The following RBFOX1 variants were observed in gnomAD, a reference collection of about 807,000 sequenced individuals.
RBFOX1 encodes RNA binding protein fox-1 homolog 1.
In RBFOX1, 8 loss-of-function variants were observed where a neutral mutation model predicts 57.7. The ratio of observed to expected loss-of-function variants is 0.14; its 90% CI spans 0.08 to 0.25. The LOEUF is 0.25. Ranked by LOEUF, RBFOX1 falls within the 10% of genes least tolerant of loss-of-function variation. RBFOX1 has a pLI of 1.00. For missense variants in RBFOX1, 611 were observed against 548.5 expected, an observed-to-expected ratio of 1.11 and a Z score of -1.14; for synonymous variants, 326 against 222.4, an observed-to-expected ratio of 1.47 and a Z score of -4.15.
chr16:7,593,436 A>G (rs747949913), intron 7 of RBFOX1, among the ~76,000 whole-genome samples: 6 of 152,156 alleles, frequency 3.9e-5, no homozygotes, highest in African/African-American at 9.7e-5. Flanking sequence ...TGCATACCCA[A>G]TATGGGCATA....
intron 1 of RBFOX1, among the ~76,000 whole-genome samples, chr16:5,432,875 T>G (rs1050624432): frequency 6.6e-6 from 1 of 152,136 alleles, no homozygotes; most frequent in African/African-American, 2.4e-5. Flanking sequence ...AAATTCCATC[T>G]CCCAGGTTCA....
At chr16:6,269,200 C>A (rs976847892) in intron 1 of RBFOX1, among the ~76,000 whole-genome samples, 2 of 152,170 alleles carry the variant, frequency 1.3e-5, no homozygotes, top group African/African-American at 4.8e-5. Context: ...AAAAATTATA[C>A]TGTCTGATGT....
At chr16:6,328,398 A>C (rs78281701) in intron 2 of RBFOX1, among the ~76,000 whole-genome samples, 13,282 of 152,182 alleles carry the variant, frequency 0.087, 731 homozygotes, top group Middle Eastern at 0.15. Context: ...TCATATAACA[A>C]AATGCCACCT....
At chr16:5,449,378 T>A (rs1159902219) in intron 1 of RBFOX1, among the ~76,000 whole-genome samples, 2 of 152,234 alleles carry the variant, frequency 1.3e-5, no homozygotes, top group African/African-American at 4.8e-5. Flanking sequence ...CTCAGAATTG[T>A]GCTTCTTTCC....
intron 1 of RBFOX1, among the ~76,000 whole-genome samples, chr16:5,425,021 A>T (rs1476966597): frequency 4.8e-4 from 35 of 72,798 alleles, no homozygotes; most frequent in African/African-American, 5.6e-4. Flanking sequence ...TTCTTTCTTG[A>T]TTCCTCCCTC....
chr16:5,454,988 T>TTTG (rs2068579870), intron 1 of RBFOX1, among the ~76,000 whole-genome samples: 1 of 103,672 alleles, frequency 9.6e-6, no homozygotes, highest in South Asian at 3.2e-4. Context: ...TCTTTCTTTC[T>TTTG]TTCTTTCTTT....
intron 4 of RBFOX1, among the ~76,000 whole-genome samples, chr16:7,111,726 T>G (rs1407596464): frequency 6.6e-6 from 1 of 151,598 alleles, no homozygotes; most frequent in South Asian, 2.1e-4. Context: ...GACCTGGTCT[T>G]TATAAAATTA....
At chr16:5,917,764 G>A in intron 4 of RBFOX1, among the ~76,000 whole-genome samples, 1 of 152,142 alleles carries the variant, frequency 6.6e-6, no homozygotes, top group South Asian at 2.1e-4. Context: ...ATTTTTTAAT[G>A]TAGTCTCAAA....
rs2096912200 is a variant in RBFOX1, at chr16:6,165,718, T to A, written c.-127+145726T>A. Among the ~76,000 whole-genome samples, 3 of 152,230 alleles carry A rather than the reference T, an allele frequency of 2.0e-5. No individual in the cohort carries two copies. In the South Asian group the frequency reaches 6.2e-4, roughly 32 times the overall value. On this transcript the variant is annotated intron_variant, in intron 1 of 15. Transcript: ENST00000550418. Reference sequence around the variant, plus strand: ...ACATGCATGGGCAAATGAAATGTTTTATGGCTACAGCGTAATGCTCTCCTC... The same window carrying A: ...ACATGCATGGGCAAATGAAATGTTTAATGGCTACAGCGTAATGCTCTCCTC...
chr16:7,637,661 T>A (rs933180623), intron 11 of RBFOX1, among the ~76,000 whole-genome samples: 3 of 152,204 alleles, frequency 2.0e-5, no homozygotes, highest in African/African-American at 7.2e-5. Flanking sequence ...GTCATTTTGT[T>A]ACTGACACAT....
At chr16:5,843,725 A>T (rs2151851436) in intron 3 of RBFOX1, among the ~76,000 whole-genome samples, 1 of 152,348 alleles carries the variant, frequency 6.6e-6, no homozygotes, top group African/African-American at 2.4e-5. Flanking sequence ...AGGTAAAATA[A>T]CTTGCTCCAA....
chr16:7,221,905 C>G (rs181061687), intron 4 of RBFOX1, among the ~76,000 whole-genome samples: 102 of 152,276 alleles, frequency 6.7e-4, no homozygotes, highest in Middle Eastern at 3.4e-3. Flanking sequence ...CTCTTCATGT[C>G]CAACCACAAA....
At chr16:5,425,872 A>C (rs936033081) in intron 1 of RBFOX1, among the ~76,000 whole-genome samples, 1 of 152,166 alleles carries the variant, frequency 6.6e-6, no homozygotes, top group South Asian at 2.1e-4. Context: ...TGCTCCTGGT[A>C]GAACCCCAAA....
rs139456511 is a variant in RBFOX1, at chr16:6,368,491, T to C, written c.-64+51434T>C. Among the ~76,000 whole-genome samples the C allele has an allele frequency of 9.0e-3, 1,369 of 152,338 alleles. 24 individuals are homozygous for C. Among genetic ancestry groups the C allele is most frequent in the African/African-American group, 0.029 (1,221 of 41,584 alleles). On this transcript the variant is annotated intron_variant, in intron 2 of 15. Coordinates refer to ENST00000550418, the MANE Select transcript of RBFOX1 (RefSeq NM_018723.4). ...CCTAATGTAGACCTTTCCAGTTCTC[T>C]GGGTGTGCACCTCTGCATCCACATC...
chr16:5,492,542 G>C (rs1046065536), intron 2 of RBFOX1, among the ~76,000 whole-genome samples: 2 of 152,230 alleles, frequency 1.3e-5, no homozygotes, highest in Non-Finnish European at 2.9e-5. Flanking sequence ...TTAATGGAGA[G>C]ATAGTGTGAC....
chr16:5,311,461 TTAAGA>T (rs1260090035), intron 1 of RBFOX1, among the ~76,000 whole-genome samples: 1 of 152,210 alleles, frequency 6.6e-6, no homozygotes, highest in African/African-American at 2.4e-5. Flanking sequence ...ATTTAGTTCT[TTAAGA>T]TATCTCCATA....
chr16:7,187,688 C>CA (rs2084244541), intron 4 of RBFOX1, among the ~76,000 whole-genome samples: 1 of 43,216 alleles, frequency 2.3e-5, no homozygotes, highest in African/African-American at 7.4e-5. Context: ...GACTCTGTCT[C>CA]ACAAAAAAAA....
intron 2 of RBFOX1, among the ~76,000 whole-genome samples, chr16:6,651,965 C>T (rs1314267921): frequency 9.9e-5 from 15 of 152,166 alleles, no homozygotes; most frequent in Non-Finnish European, 2.2e-4. Context: ...AAGCCAGGCA[C>T]AGAAGGACAA....
At chr16:6,815,517 C>G (rs891865518) in intron 3 of RBFOX1, among the ~76,000 whole-genome samples, 6 of 152,182 alleles carry the variant, frequency 3.9e-5, no homozygotes, top group African/African-American at 4.8e-5. Flanking sequence ...TAAATTGTCA[C>G]TCCAGCATCC....
Sources: allele counts gnomAD v4.1 joint callset (sites outside exome capture counted in the v4.1 genomes callset), GRCh38; gene constraint gnomAD v4.1.1; transcripts MANE v1.5; gene names NCBI Gene and HGNC (gene_info 2026-07-23, HGNC 2026-07-21).